TUSC3: variants seen among roughly 807,000 people sequenced by gnomAD.
TUSC3 encodes tumor suppressor candidate 3.
A neutral mutation model predicts 44.8 loss-of-function variants in TUSC3; 45 were observed. That is an observed-to-expected ratio of 1.00 (90% CI 0.79 to 1.29). The LOEUF is 1.29. Ranked by LOEUF, TUSC3 falls within the 50% of genes most tolerant of loss-of-function variation. TUSC3 has a pLI of 0.00. For synonymous variants in TUSC3, 212 were observed against 152.9 expected (o/e 1.39, Z -2.85); for missense variants, 519 against 437.9 (o/e 1.19, Z -1.65).
At chr8:15,518,706 C>A (rs1027486545) in intron 2 of TUSC3, among the ~76,000 whole-genome samples, 2 of 152,100 alleles carry the variant, frequency 1.3e-5, no homozygotes, top group Non-Finnish European at 2.9e-5. Context: ...AGGGTTAAAG[C>A]AGCTTACTGT....
chr8:15,840,434 C>G, the TUSC3 span, among the ~76,000 whole-genome samples: 1 of 151,850 alleles, frequency 6.6e-6, no homozygotes. Flanking sequence ...GGAGCAGAAG[C>G]AAAGAATGAA....
intron 2 of TUSC3, among the ~76,000 whole-genome samples, chr8:15,503,816 A>G (rs1315282073): frequency 6.6e-6 from 1 of 152,076 alleles, no homozygotes; most frequent in African/African-American, 2.4e-5. Context: ...TAGCCTGGGC[A>G]GCATGGCAAA....
chr8:15,782,121 C>T, the TUSC3 span, among the ~76,000 whole-genome samples: 2 of 152,064 alleles, frequency 1.3e-5, no homozygotes, highest in Non-Finnish European at 2.9e-5. Context: ...GGCGACAGAG[C>T]AAGGCTCCAT....
In TUSC3 at chr8:15,753,209, A is replaced by C. The variant is rs373410603; in HGVS notation, c.1029-4582A>C. 1.6e-4 allele frequency among the ~76,000 whole-genome samples: 25 copies of C among 152,116 alleles called. No individual in the cohort carries two copies. In the East Asian group the frequency reaches 3.7e-3, roughly 22 times the overall value. On this transcript the variant is annotated intron_variant, in intron 9 of 10. Coordinates refer to ENST00000503731, the MANE Select transcript of TUSC3 (RefSeq NM_006765.4). ...AATTTCATGACTTAGTTATCCAGCT[A>C]TTCTACTGTCCAATTTAAAAAATCC...
At chr8:15,496,533 C>T (rs758605035) in intron 2 of TUSC3, among the ~76,000 whole-genome samples, 2 of 152,330 alleles carry the variant, frequency 1.3e-5, no homozygotes, top group Admixed American at 6.5e-5. Context: ...CTGATACATG[C>T]CGACAAGGTC....
chr8:15,572,897 A>G (rs560145284), intron 1 of TUSC3, among the ~76,000 whole-genome samples: 20 of 152,082 alleles, frequency 1.3e-4, no homozygotes, highest in Admixed American at 5.9e-4. Context: ...ACAATCACAA[A>G]AGTGACATCA....
the TUSC3 span, among the ~76,000 whole-genome samples, chr8:15,811,382 C>G: frequency 6.6e-6 from 1 of 152,170 alleles, no homozygotes; most frequent in Admixed American, 6.5e-5. Context: ...ACCAAAATTC[C>G]TTCACGATCA....
chr8:15,820,990 A>G, the TUSC3 span, among the ~76,000 whole-genome samples: 3 of 152,202 alleles, frequency 2.0e-5, no homozygotes, highest in Non-Finnish European at 4.4e-5. Flanking sequence ...GTTACTCTTA[A>G]CAAAACATTT....
intron 1 of TUSC3, among the ~76,000 whole-genome samples, chr8:15,544,848 A>G (rs1223161772): frequency 1.3e-5 from 2 of 151,848 alleles, no homozygotes. Flanking sequence ...GTTAGATTGT[A>G]TGTATGACCA....
At chr8:15,564,203 G>A (rs1404719940) in intron 1 of TUSC3, among the ~76,000 whole-genome samples, 2 of 152,078 alleles carry the variant, frequency 1.3e-5, no homozygotes, top group Admixed American at 6.6e-5. Flanking sequence ...TAACAATGGG[G>A]ATGGAATTTT....
intron 2 of TUSC3, among the ~76,000 whole-genome samples, chr8:15,623,876 T>C (rs1055038315): frequency 5.3e-5 from 8 of 152,138 alleles, no homozygotes; most frequent in African/African-American, 1.9e-4. Flanking sequence ...ACAAGTAGGG[T>C]ACTGGCATCG....
chr8:15,563,966 G>A lies in TUSC3; in HGVS notation c.138+23398G>A, dbSNP rs1341134215. Among the ~76,000 whole-genome samples the A allele has an allele frequency of 2.0e-5, 3 of 152,134 alleles. No individual in the cohort carries two copies. In the East Asian group the frequency reaches 5.8e-4, roughly 29 times the overall value. On this transcript the variant is annotated intron_variant, in intron 1 of 10. Transcript: ENST00000503731. ...AAATTCAAAGTTAAATTTTCATTGA[G>A]TCTGAAACAATTGTTTGGTGGGACA...
At chr8:15,594,465 C>G (rs1340038507) in intron 1 of TUSC3, among the ~76,000 whole-genome samples, 1 of 152,052 alleles carries the variant, frequency 6.6e-6, no homozygotes, top group Non-Finnish European at 1.5e-5. Context: ...AGGCATTGTG[C>G]ATTTTGTTGG....
At chr8:15,510,440 G>A (rs1308408555) in intron 2 of TUSC3, among the ~76,000 whole-genome samples, 2 of 151,912 alleles carry the variant, frequency 1.3e-5, no homozygotes, top group African/African-American at 4.8e-5. Flanking sequence ...GTGCTAAAGT[G>A]ATAATGAGGA....
At chr8:15,850,944 C>T in the TUSC3 span, among the ~76,000 whole-genome samples, 472 of 152,318 alleles carry the variant, frequency 3.1e-3, 1 homozygote, top group African/African-American at 0.011. Flanking sequence ...TGAGGAAGCT[C>T]TTTCCTTTCT....
chr8:15,510,397 A>G (rs10087338), intron 2 of TUSC3, among the ~76,000 whole-genome samples: 277 of 152,286 alleles, frequency 1.8e-3, no homozygotes, highest in African/African-American at 6.3e-3. Flanking sequence ...AATATCAGAC[A>G]TGAGAGCAAT....
chr8:15,440,975 G>A (rs979155452), intron 1 of TUSC3, among the ~76,000 whole-genome samples: 3 of 152,188 alleles, frequency 2.0e-5, no homozygotes, highest in Non-Finnish European at 4.4e-5. Context: ...TAGATGTAGA[G>A]GTGCTGGAGG....
intron 9 of TUSC3, among the ~76,000 whole-genome samples, chr8:15,757,318 T>C (rs1410738419): frequency 2.6e-5 from 4 of 152,180 alleles, no homozygotes; most frequent in Admixed American, 2.6e-4. Flanking sequence ...AATGGAATGA[T>C]ATTCAGTAAG....
intron 2 of TUSC3, among the ~76,000 whole-genome samples, chr8:15,502,553 C>T (rs544256879): frequency 5.3e-5 from 8 of 152,162 alleles, no homozygotes; most frequent in South Asian, 2.1e-4. Flanking sequence ...TGCAGTGGCG[C>T]GATCTCCGCT....
Sources: allele counts gnomAD v4.1 joint callset (sites outside exome capture counted in the v4.1 genomes callset), GRCh38; gene constraint gnomAD v4.1.1; transcripts MANE v1.5; gene names NCBI Gene and HGNC (gene_info 2026-07-23, HGNC 2026-07-21).